Variants in DHX32 observed in about 807,000 individuals in gnomAD.
The protein encoded by DHX32 is putative pre-mRNA-splicing factor ATP-dependent RNA helicase DHX32.
In DHX32, 51 loss-of-function variants were observed where a neutral mutation model predicts 70.0. The ratio of observed to expected loss-of-function variants is 0.73; its 90% CI spans 0.58 to 0.92. DHX32 has a LOEUF of 0.92. Among genes scored for constraint, DHX32 ranks in the 40% least tolerant of loss-of-function variants. The probability of loss-of-function intolerance (pLI) is 0.00; values close to 1 mark genes in which losing one functional copy is unlikely to be tolerated. For synonymous variants in DHX32, 310 were observed against 315.3 expected, an observed-to-expected ratio of 0.98 and a Z score of 0.18; for missense variants, 762 against 891.8, an observed-to-expected ratio of 0.85 and a Z score of 1.85.
At chr10:125,889,671 C>T (rs1338012584) in intron 1 of DHX32, among the ~76,000 whole-genome samples, 1 of 152,204 alleles carries the variant, frequency 6.6e-6, no homozygotes, top group Non-Finnish European at 1.5e-5. Context: ...CTGCACTGGC[C>T]CTGATCTGCA....
intron 1 of DHX32, among the ~76,000 whole-genome samples, chr10:125,879,008 T>G (rs986306057): frequency 1.2e-4 from 17 of 141,508 alleles, no homozygotes; most frequent in African/African-American, 4.4e-4. Flanking sequence ...GCGCCCAGCC[T>G]TTTCTTGTTT....
At chr10:125,839,746 C>G (rs1224173530) in intron 8 of DHX32, among the ~76,000 whole-genome samples, 1 of 152,154 alleles carries the variant, frequency 6.6e-6, no homozygotes, top group Non-Finnish European at 1.5e-5. Context: ...TCTTAAAATT[C>G]AGGCATGTGG....
At position 125,838,315 on chromosome 10, in the gene DHX32, G is replaced by A. The variant is rs761913595; in HGVS notation, c.1954C>T (p.Leu652=). 1 of 1,613,840 alleles carries A rather than the reference G, an allele frequency of 6.2e-7. No individual in the cohort carries two copies. Among genetic ancestry groups the A allele is most frequent in the South Asian group, 1.1e-5 (1 of 91,006 alleles). Residue 652 remains leucine (L), a synonymous_variant, in exon 10 of 11, where the codon CTG becomes TTG. Transcript: ENST00000284690. ...THKQVAQLHP[L]SGYSITKKMP... ...TTCTTGGTGATTGAGTAACCAGACA[G>A]GGGATGCAGCTGAGCAACCTGCTTA...
chr10:125,886,384 GT>G (rs1944341314), intron 1 of DHX32, among the ~76,000 whole-genome samples: 1 of 152,078 alleles, frequency 6.6e-6, no homozygotes. Context: ...TTCCCTCTTT[GT>G]TTTCTGTTGG....
At position 125,852,705 on chromosome 10, in the gene DHX32, C is replaced by G. The variant is rs1459586537; in HGVS notation, c.1093-63G>C. 4 of 1,431,852 alleles carry G rather than the reference C, an allele frequency of 2.8e-6. No individual in the cohort carries two copies. The African/African-American group carries it at 5.7e-5, about 20-fold the overall frequency. 88.7% of individuals were successfully genotyped at this position (1,431,852 alleles called of 1,614,324 possible). A position where few individuals can be genotyped will look rare whatever the true frequency, so the allele number is the denominator to read the frequency against. On this transcript the variant is annotated intron_variant, in intron 4 of 10. Transcript: ENST00000284690. The stretch of plus-strand genomic sequence containing the variant: ...GTCATGATTCAGTAGGCTCACTGAT[C>G]CTGAAGAGAATATGCTGCGCAGTAC...
At chr10:125,854,676 C>T (rs1254893039) in intron 3 of DHX32, 1 of 153,070 alleles carries the variant, frequency 6.5e-6, no homozygotes, top group Non-Finnish European at 1.5e-5. Flanking sequence ...CTAAGTGGCT[C>T]CCAGGAAGCT....
intron 10 of DHX32, 80 bp downstream of exon 10, chr10:125,838,126 A>G (rs1854755231): frequency 1.4e-6 from 2 of 1,394,946 alleles, no homozygotes; most frequent in African/African-American, 2.9e-5. Context: ...AGAACTAAGA[A>G]TAAAAGCCAA....
intron 1 of DHX32, among the ~76,000 whole-genome samples, chr10:125,877,999 A>C (rs530841311): frequency 6.6e-6 from 1 of 152,246 alleles, no homozygotes; most frequent in African/African-American, 2.4e-5. Context: ...GCGAGAATCT[A>C]GAAATGAATT....
At chr10:125,867,683 C>A (rs1589714830) in intron 1 of DHX32, among the ~76,000 whole-genome samples, 1 of 139,040 alleles carries the variant, frequency 7.2e-6, no homozygotes, top group Non-Finnish European at 1.5e-5. Flanking sequence ...TTGCAGTGAG[C>A]AGAGATTGTG....
In DHX32 at chr10:125,866,439, G is replaced by A. The variant is rs1944220523; in HGVS notation, c.476+551C>T. Among the ~76,000 whole-genome samples the A allele has an allele frequency of 6.6e-6, 1 of 152,216 alleles. No individual in the cohort carries two copies. Among genetic ancestry groups the A allele is most frequent in the Non-Finnish European group, 1.5e-5 (1 of 68,038 alleles). On this transcript the variant is annotated intron_variant, in intron 2 of 10. Coordinates refer to ENST00000284690, the MANE Select transcript of DHX32 (RefSeq NM_018180.3). The surrounding 1 kb of genome is among the most constrained non-coding windows in gnomAD (Gnocchi z 4.8). ...GCACAGTTTGAGAAACACTGTCGAA[G>A]CTGCTATGATGCAGGCTGACACCAA... is the stretch of plus-strand genomic sequence containing the variant.
intron 1 of DHX32, among the ~76,000 whole-genome samples, chr10:125,867,454 A>G (rs1228564465): frequency 6.6e-6 from 1 of 152,194 alleles, no homozygotes; most frequent in Admixed American, 6.5e-5. Flanking sequence ...AATCAAGGAC[A>G]GGCCGGGTGT....
chr10:125,854,356 G>T, intron 3 of DHX32, 153 bp from the exon 4 acceptor site: 2 of 589,986 alleles, frequency 3.4e-6, no homozygotes, highest in Non-Finnish European at 5.3e-6. Context: ...CTTTAAATAA[G>T]TAAAGATGCA....
At chr10:125,843,093 A>G (rs1043605030) in intron 6 of DHX32, among the ~76,000 whole-genome samples, 1 of 152,106 alleles carries the variant, frequency 6.6e-6, no homozygotes, top group Admixed American at 6.6e-5. Context: ...TACAGGTCAC[A>G]CAATGAAGCA....
intron 1 of DHX32, among the ~76,000 whole-genome samples, chr10:125,870,377 C>T (rs1462850846): frequency 2.6e-5 from 4 of 152,184 alleles, no homozygotes; most frequent in Non-Finnish European, 4.4e-5. Flanking sequence ...AGAGGCGTGA[C>T]TTGTCCAAGG....
At position 125,836,791 on chromosome 10, in the gene DHX32, G is replaced by T. The variant is rs138137798; in HGVS notation, c.2128C>A (p.Leu710Ile). ...NLPPSESKDI[L>I]QQVVDHLSPV... is the part of the protein sequence containing the mutation. ...GATAGGTGATCCACTACTTGCTGTA[G>T]AATGTCCTTACTTTCACTAGGAGGC... Residue 710 changes from leucine to isoleucine, a missense_variant, in exon 11 of 11, where the codon CTA becomes ATA. This residue lies in a region of DHX32 where 366 missense variants were observed against 402.6 expected (regional missense o/e 0.91). Transcript: ENST00000284690. 8 of 1,613,962 alleles carry T rather than the reference G, an allele frequency of 5.0e-6. No individual in the cohort carries two copies. In the African/African-American group the frequency reaches 8.0e-5, roughly 16 times the overall value.
Position 125,880,749 on chromosome 10 carries a change from C to T in DHX32, c.76G>A (p.Asp26Asn), listed in dbSNP as rs773532934. The T allele has an allele frequency of 1.2e-5, 20 of 1,614,058 alleles. No individual in the cohort carries two copies. The Admixed American group carries it at 2.3e-4, about 19-fold the overall frequency. Residue 26 changes from aspartate (D) to asparagine (N), a missense_variant, in exon 1 of 11, where the codon GAT becomes AAT. Transcript: ENST00000284690. ...GCCAAAACCTCTTCCTCATCCCCATCGCTGGAATCCAGGGATTCAGGAAAA... is the reference window on the plus strand; with the variant it reads ...GCCAAAACCTCTTCCTCATCCCCATTGCTGGAATCCAGGGATTCAGGAAAA... ...RYFPESLDSS[D>N]GDEEEVLACE...
chr10:125,875,073 G>A (rs1452962994), intron 1 of DHX32, among the ~76,000 whole-genome samples: 3 of 152,170 alleles, frequency 2.0e-5, no homozygotes, highest in African/African-American at 7.2e-5. Context: ...ACAAAAATTA[G>A]TTGAGTGTAG....
In DHX32 at chr10:125,866,368, C is replaced by T. The variant is rs138456279; in HGVS notation, c.476+622G>A. The stretch of plus-strand genomic sequence containing the variant: ...AGCACAGAAGAGATACCACAACTTG[C>T]GGTAGCCACAGAGAAGTCTCCTTGG... On this transcript the variant is annotated intron_variant, in intron 2 of 10. Transcript: ENST00000284690. The surrounding 1 kb of genome is among the most constrained non-coding windows in gnomAD (Gnocchi z 4.8). 1.2e-4 allele frequency among the ~76,000 whole-genome samples: 19 copies of T among 152,318 alleles called. No individual in the cohort carries two copies. Among genetic ancestry groups the T allele is most frequent in the Middle Eastern group, 3.4e-3 (1 of 294 alleles).
chr10:125,848,660 C>G (rs879280399), intron 6 of DHX32, among the ~76,000 whole-genome samples: 8 of 152,144 alleles, frequency 5.3e-5, no homozygotes, highest in Non-Finnish European at 8.8e-5. Context: ...GGTGATGTCT[C>G]CTAATAACTG....
Sources: gnomAD v4.1 joint callset for allele counts (sites outside exome capture counted in the v4.1 genomes callset) on GRCh38, gnomAD v4.1.1 for gene constraint, gnomAD v4.1.1 regional missense constraint, Gnocchi (gnomAD v3.1) non-coding constraint, MANE v1.5 for transcripts, NCBI Gene and HGNC (gene_info 2026-07-23, HGNC 2026-07-21) for gene names.